SRGAP1: variants seen among roughly 807,000 people sequenced by gnomAD.
The protein encoded by SRGAP1 is SLIT-ROBO Rho GTPase activating protein 1.
Under a neutral mutation model 121.9 loss-of-function variants are expected in SRGAP1, and 43 were observed. The ratio of observed to expected loss-of-function variants is 0.35; its 90% CI spans 0.28 to 0.46. The LOEUF is 0.46. Ranked by LOEUF, SRGAP1 falls within the 20% of genes least tolerant of loss-of-function variation. The pLI is 1.00. For synonymous variants in SRGAP1, 447 were observed against 485.4 expected (o/e 0.92, Z 1.04); for missense variants, 1,102 against 1,350.9 (o/e 0.82, Z 2.89).
chr12:63,969,775 C>T (rs1268203296), intron 1 of SRGAP1, among the ~76,000 whole-genome samples: 1 of 150,392 alleles, frequency 6.6e-6, no homozygotes, highest in Non-Finnish European at 1.5e-5. Context: ...GCCTGGGTGA[C>T]AGAGCGAGAC....
At chr12:64,005,401 G>A (rs572470959) in intron 3 of SRGAP1, among the ~76,000 whole-genome samples, 1 of 152,292 alleles carries the variant, frequency 6.6e-6, no homozygotes, top group East Asian at 1.9e-4. Flanking sequence ...CCTGCACTTT[G>A]AGAAGCCAAG....
chr12:64,032,158 G>C (rs997985782), intron 4 of SRGAP1, among the ~76,000 whole-genome samples: 3 of 152,126 alleles, frequency 2.0e-5, no homozygotes, highest in African/African-American at 7.2e-5. Context: ...AGGAAGAAAA[G>C]GGGGAAACAG....
At chr12:63,988,819 CT>C (rs1394779662) in intron 2 of SRGAP1, among the ~76,000 whole-genome samples, 1 of 152,092 alleles carries the variant, frequency 6.6e-6, no homozygotes, top group Non-Finnish European at 1.5e-5. Context: ...AATTTCTTTT[CT>C]TTGTTTTTGA....
At chr12:64,083,651 G>T (rs984804354) in intron 10 of SRGAP1, among the ~76,000 whole-genome samples, 6 of 152,128 alleles carry the variant, frequency 3.9e-5, no homozygotes, top group African/African-American at 1.4e-4. Flanking sequence ...TTAAATCATA[G>T]AAGTTAAATT....
At chr12:63,919,875 G>C (rs1243170462) in intron 1 of SRGAP1, among the ~76,000 whole-genome samples, 1 of 152,194 alleles carries the variant, frequency 6.6e-6, no homozygotes, top group Non-Finnish European at 1.5e-5. Flanking sequence ...TGTTGGGTGA[G>C]TATGCAGAAT....
intron 16 of SRGAP1, among the ~76,000 whole-genome samples, chr12:64,110,909 G>A (rs2036421121): frequency 6.6e-6 from 1 of 152,104 alleles, no homozygotes; most frequent in Admixed American, 6.6e-5. Context: ...AAAGGTAGTT[G>A]AGTCTCCTTT....
At chr12:63,944,293 G>C (rs1297249590) in intron 1 of SRGAP1, among the ~76,000 whole-genome samples, 3 of 152,142 alleles carry the variant, frequency 2.0e-5, no homozygotes, top group African/African-American at 7.2e-5. Flanking sequence ...ATAGATTGAA[G>C]GGCTTGTAAA....
chr12:64,012,019 G>GCTGCAGTGAGCTATGATTGCA, intron 3 of SRGAP1, among the ~76,000 whole-genome samples: 1 of 151,680 alleles, frequency 6.6e-6, no homozygotes, highest in African/African-American at 2.4e-5. Flanking sequence ...AGAATCTCAG[G>GCTGCAGTGAGCTATGATTGCA]CCACTGCACT....
chr12:64,079,217 T>A, intron 9 of SRGAP1, 101 bp downstream of exon 9: 2 of 1,238,400 alleles, frequency 1.6e-6, no homozygotes, highest in Non-Finnish European at 1.1e-6. Flanking sequence ...TTCCTTTTGT[T>A]AAAATAGACT....
rs994406114 is a variant in SRGAP1 at position 64,154,135 on chromosome 12, C to T, written c.*11463C>T. On this transcript the variant is annotated 3_prime_UTR_variant, in exon 22 of 22. Transcript: ENST00000355086. ...AAGCAGAATGGTGATTGCCAGGGAT[C>T]GGGATGAGGAAGAAAATGGAAATTG... 3.3e-5 allele frequency: 5 copies of T among 152,012 alleles called. No individual in the cohort carries two copies. The highest frequency in any genetic ancestry group is 1.2e-4 in the African/African-American group (5 of 41,350). The allele number at this position is 152,012 out of a possible 1,614,324, so 9.4% of individuals were successfully genotyped here.
chr12:63,948,330 ACCTC>A (rs2136358886), intron 1 of SRGAP1, among the ~76,000 whole-genome samples: 1 of 151,522 alleles, frequency 6.6e-6, no homozygotes, highest in East Asian at 1.9e-4. Context: ...TTTGAGAAAA[ACCTC>A]CCTGAAGAAC....
chr12:64,016,265 C>T (rs1279089683), intron 3 of SRGAP1, among the ~76,000 whole-genome samples: 2 of 151,990 alleles, frequency 1.3e-5, no homozygotes, highest in South Asian at 2.1e-4. Context: ...GGTGAAACCC[C>T]GTCTCTACAA....
chr12:64,072,152 G>GT, intron 8 of SRGAP1, among the ~76,000 whole-genome samples: 2 of 50,516 alleles, frequency 4.0e-5, no homozygotes, highest in Non-Finnish European at 1.3e-4. Flanking sequence ...GTGTGTGGGC[G>GT]GCGGGGGGGG....
At position 63,845,681 on chromosome 12, in the gene SRGAP1, T is replaced by C. The variant is rs80027903; in HGVS notation, c.67+798T>C. Among the ~76,000 whole-genome samples, 1,498 of 152,334 alleles carry C rather than the reference T, an allele frequency of 9.8e-3. 23 individuals carry two copies. The highest frequency in any genetic ancestry group is 0.034 in the African/African-American group (1,408 of 41,576). On this transcript the variant is annotated intron_variant, in intron 1 of 21. Coordinates refer to ENST00000355086, the MANE Select transcript of SRGAP1 (RefSeq NM_020762.4). ...TGATTAAAAATATATATATTTTCTC[T>C]CCAATACAAGTATTTTGTTTTGTTA...
At chr12:63,947,308 G>C (rs1322153231) in intron 1 of SRGAP1, among the ~76,000 whole-genome samples, 1 of 152,130 alleles carries the variant, frequency 6.6e-6, no homozygotes, top group Non-Finnish European at 1.5e-5. Context: ...GGTATTGTGG[G>C]TCTTAAATTT....
At chr12:63,847,656 G>A (rs1025038091) in intron 1 of SRGAP1, among the ~76,000 whole-genome samples, 21 of 152,026 alleles carry the variant, frequency 1.4e-4, no homozygotes, top group Non-Finnish European at 4.4e-5. Flanking sequence ...TGAGTCAGGA[G>A]AATTGCTTGA....
intron 1 of SRGAP1, among the ~76,000 whole-genome samples, chr12:63,977,947 T>TA (rs1417364744): frequency 6.6e-6 from 1 of 152,238 alleles, no homozygotes; most frequent in Non-Finnish European, 1.5e-5. Flanking sequence ...TGTGCTGTTT[T>TA]ATGCAGTTTT....
chr12:64,041,709 C>T (rs1459303020), intron 4 of SRGAP1, among the ~76,000 whole-genome samples: 1 of 151,748 alleles, frequency 6.6e-6, no homozygotes, highest in African/African-American at 2.4e-5. Context: ...ACTGCCATCC[C>T]CTCACTACAG....
intron 21 of SRGAP1, 44 bp from the exon 22 acceptor site, chr12:64,142,251 A>G (rs1376521972): frequency 6.3e-7 from 1 of 1,587,284 alleles, no homozygotes; most frequent in East Asian, 2.2e-5. Context: ...ATTAGTATTC[A>G]TTATCAGTCT....
Sources: allele counts gnomAD v4.1 joint callset (sites outside exome capture counted in the v4.1 genomes callset), GRCh38; gene constraint gnomAD v4.1.1; transcripts MANE v1.5; gene names NCBI Gene and HGNC (gene_info 2026-07-23, HGNC 2026-07-21).